Variants in SPATA16 observed in about 807,000 individuals in gnomAD.
SPATA16 encodes the protein spermatogenesis associated 16.
In SPATA16, 36 loss-of-function variants were observed where a neutral mutation model predicts 63.3. The ratio of observed to expected loss-of-function variants is 0.57; its 90% CI spans 0.44 to 0.75. The LOEUF (loss-of-function observed/expected upper bound fraction) is 0.75. SPATA16 is among the 30% of genes least tolerant of loss of function. SPATA16 has a pLI of 0.00. For missense variants in SPATA16, 646 were observed against 679.3 expected (o/e 0.95, Z 0.54); for synonymous variants, 203 against 216.7 (o/e 0.94, Z 0.56).
At chr3:173,054,734 A>G (rs978449113) in intron 2 of SPATA16, among the ~76,000 whole-genome samples, 1 of 152,184 alleles carries the variant, frequency 6.6e-6, no homozygotes, top group African/African-American at 2.4e-5. Flanking sequence ...TACGTTCCGC[A>G]CATGTATCCT....
At chr3:173,038,267 C>A (rs1049356244) in intron 3 of SPATA16, among the ~76,000 whole-genome samples, 6 of 152,126 alleles carry the variant, frequency 3.9e-5, no homozygotes, top group Middle Eastern at 3.4e-3. Context: ...TATATAGTGA[C>A]TTCTCCAAGC....
chr3:173,130,929 TTGTC>T (rs1738367708), intron 1 of SPATA16, among the ~76,000 whole-genome samples: 1 of 152,230 alleles, frequency 6.6e-6, no homozygotes, highest in African/African-American at 2.4e-5. Context: ...GGAAATGCAT[TTGTC>T]TGTGAGAAAA....
chr3:172,965,902 C>T (rs1224541339), intron 5 of SPATA16, among the ~76,000 whole-genome samples: 2 of 152,092 alleles, frequency 1.3e-5, no homozygotes, highest in Non-Finnish European at 2.9e-5. Flanking sequence ...TTTAATTTGT[C>T]TGCAATTAAT....
intron 6 of SPATA16, among the ~76,000 whole-genome samples, chr3:172,949,459 T>C (rs1733375758): frequency 6.6e-6 from 1 of 152,194 alleles, no homozygotes; most frequent in African/African-American, 2.4e-5. Flanking sequence ...CAACATTGAC[T>C]TCAAAATTTT....
In SPATA16 at chr3:173,028,496, C is replaced by T. The variant is rs764871387; in HGVS notation, c.759-8921G>A. Among the ~76,000 whole-genome samples, 29 of 151,682 alleles carry T rather than the reference C, an allele frequency of 1.9e-4. 1 individual carries two copies. Among genetic ancestry groups the T allele is most frequent in the Admixed American group, 1.8e-3 (27 of 15,176 alleles). On this transcript the variant is annotated intron_variant, in intron 3 of 10. Transcript: ENST00000351008. ...TAAGATTAAGAAATTGAAAGGATGT[C>T]GATAAAATTTTCAGACGGCATAAAT... is the stretch of plus-strand genomic sequence containing the variant.
intron 1 of SPATA16, among the ~76,000 whole-genome samples, chr3:173,137,399 A>AGAT (rs1322602426): frequency 1.8e-4 from 27 of 152,206 alleles, no homozygotes; most frequent in Non-Finnish European, 4.4e-5. Flanking sequence ...TGCTACTGAA[A>AGAT]GATAAGAAAG....
intron 2 of SPATA16, among the ~76,000 whole-genome samples, chr3:173,113,500 C>G (rs1261521610): frequency 1.3e-5 from 2 of 152,150 alleles, no homozygotes; most frequent in African/African-American, 2.4e-5. Flanking sequence ...TACATAAATG[C>G]CTGCTATGTT....
At chr3:172,987,640 A>C (rs1369542831) in intron 4 of SPATA16, among the ~76,000 whole-genome samples, 1 of 152,232 alleles carries the variant, frequency 6.6e-6, no homozygotes, top group East Asian at 1.9e-4. Context: ...GAAAGGGGAC[A>C]AAAGCTAGAG....
chr3:172,940,619 C>T (rs62282588), intron 6 of SPATA16, among the ~76,000 whole-genome samples: 13,960 of 152,202 alleles, frequency 0.092, 744 homozygotes, highest in East Asian at 0.13. Context: ...GGGAAAAACA[C>T]ACACTGGGGC....
chr3:173,100,660 G>GCA (rs3980195), intron 2 of SPATA16, among the ~76,000 whole-genome samples: 8,641 of 133,974 alleles, frequency 0.064, 258 homozygotes, highest in South Asian at 0.082. Flanking sequence ...CACATAAACA[G>GCA]CACACACACA....
chr3:172,947,959 AAAG>A (rs1733332867), intron 6 of SPATA16, among the ~76,000 whole-genome samples: 1 of 152,180 alleles, frequency 6.6e-6, no homozygotes. Flanking sequence ...AAAAAGAAAA[AAAG>A]AATGAAGCAT....
At chr3:173,019,710 T>A in intron 3 of SPATA16, 135 bp from the exon 4 acceptor site, 1 of 765,886 alleles carries the variant, frequency 1.3e-6, no homozygotes, top group East Asian at 2.7e-5. Context: ...AAGGAGCCCT[T>A]CCCCGCCCCC....
intron 5 of SPATA16, among the ~76,000 whole-genome samples, chr3:172,968,411 A>G (rs1733967811): frequency 6.6e-6 from 1 of 152,154 alleles, no homozygotes; most frequent in Admixed American, 6.5e-5. Context: ...TGCTCAACTC[A>G]TTTTCGAAAA....
intron 3 of SPATA16, among the ~76,000 whole-genome samples, chr3:173,037,455 T>G (rs565436483): frequency 6.6e-6 from 1 of 152,228 alleles, no homozygotes; most frequent in South Asian, 2.1e-4. Context: ...AATTTCTCAT[T>G]GTTAAGCACT....
intron 2 of SPATA16, among the ~76,000 whole-genome samples, chr3:173,069,072 T>C (rs1453797331): frequency 6.9e-6 from 1 of 144,264 alleles, no homozygotes; most frequent in Non-Finnish European, 1.5e-5. Context: ...ATGGTGCCAC[T>C]GCACTCCAGC....
At chr3:172,899,205 G>A (rs9856975) in intron 10 of SPATA16, among the ~76,000 whole-genome samples, 8,319 of 152,006 alleles carry the variant, frequency 0.055, 432 homozygotes, top group African/African-American at 0.14. Flanking sequence ...TAGTTGTTCT[G>A]TCAATTGTTG....
intron 4 of SPATA16, among the ~76,000 whole-genome samples, chr3:173,009,463 C>T (rs934854079): frequency 6.6e-6 from 1 of 152,234 alleles, no homozygotes; most frequent in African/African-American, 2.4e-5. Flanking sequence ...GGTCTCCAGA[C>T]AGACACAGAG....
chr3:173,061,858 A>T (rs1310745624), intron 2 of SPATA16, among the ~76,000 whole-genome samples: 1 of 152,214 alleles, frequency 6.6e-6, no homozygotes, highest in Non-Finnish European at 1.5e-5. Flanking sequence ...TTATATTCAT[A>T]CATCAGTGGA....
chr3:172,920,815 C>T (rs1223147567), intron 8 of SPATA16, among the ~76,000 whole-genome samples: 1 of 152,050 alleles, frequency 6.6e-6, no homozygotes, highest in Non-Finnish European at 1.5e-5. Context: ...ATTTATGTGA[C>T]AGTATAAATG....
Sources: allele counts gnomAD v4.1 joint callset (sites outside exome capture counted in the v4.1 genomes callset), GRCh38; gene constraint gnomAD v4.1.1; transcripts MANE v1.5; gene names NCBI Gene and HGNC (gene_info 2026-07-23, HGNC 2026-07-21).